Variants in CTNNA2 observed in about 807,000 individuals in gnomAD.
CTNNA2 encodes catenin alpha 2.
CTNNA2 carries 42 observed loss-of-function variants against 101.0 expected under a neutral mutation model. That is an observed-to-expected ratio of 0.42 (90% CI 0.32 to 0.54). CTNNA2 has a LOEUF of 0.54. Ranked by LOEUF, CTNNA2 falls within the 20% of genes least tolerant of loss-of-function variation. The pLI is 0.14. For synonymous variants in CTNNA2, 450 were observed against 456.4 expected, an observed-to-expected ratio of 0.99 and a Z score of 0.18; for missense variants, 871 against 1,223.1, an observed-to-expected ratio of 0.71 and a Z score of 4.29.
Position 79,642,451 on chromosome 2 carries a change from C to T in CTNNA2, c.-5-9101C>T, listed in dbSNP as rs375249530. ...GCAGCTTACATCTTGGATCCCCTCT[C>T]AGTTCACTGAGCCAGGGCTTTGAAT... On this transcript the variant is annotated intron_variant, in intron 1 of 18. Coordinates refer to ENST00000402739, the MANE Select transcript of CTNNA2 (RefSeq NM_001282597.3). 5.9e-5 allele frequency among the ~76,000 whole-genome samples: 9 copies of T among 152,334 alleles called. No individual in the cohort carries two copies. In the East Asian group the frequency reaches 1.7e-3, roughly 29 times the overall value.
chr2:79,737,570 A>T (rs1670989517), intron 2 of CTNNA2, among the ~76,000 whole-genome samples: 1 of 152,170 alleles, frequency 6.6e-6, no homozygotes, highest in East Asian at 1.9e-4. Context: ...GTTAGGGATG[A>T]TATAGTTGGA....
At chr2:79,855,116 A>G (rs1167596046) in intron 3 of CTNNA2, among the ~76,000 whole-genome samples, 1 of 152,196 alleles carries the variant, frequency 6.6e-6, no homozygotes, top group African/African-American at 2.4e-5. Context: ...TCTTCTATTT[A>G]TCTTAGAATA....
At chr2:79,866,986 T>C (rs1297547373) in intron 4 of CTNNA2, among the ~76,000 whole-genome samples, 1 of 152,176 alleles carries the variant, frequency 6.6e-6, no homozygotes, top group Non-Finnish European at 1.5e-5. Context: ...CAATCTGACC[T>C]CATAGCCCTC....
intron 3 of CTNNA2, among the ~76,000 whole-genome samples, chr2:79,780,705 G>A (rs1674354864): frequency 1.3e-5 from 2 of 152,126 alleles, no homozygotes; most frequent in Middle Eastern, 3.2e-3. Flanking sequence ...ACTTCACATA[G>A]GAAGACAGTG....
At chr2:79,450,710 T>C (rs1414406168) in intron 4 of CTNNA2, among the ~76,000 whole-genome samples, 1 of 152,056 alleles carries the variant, frequency 6.6e-6, no homozygotes, top group African/African-American at 2.4e-5. Flanking sequence ...GGCTAATTGA[T>C]ACAAACAAGA....
intron 7 of CTNNA2, among the ~76,000 whole-genome samples, chr2:80,153,764 C>G (rs1358830937): frequency 6.6e-6 from 1 of 152,210 alleles, no homozygotes; most frequent in African/African-American, 2.4e-5. Context: ...TGCCTCCCTT[C>G]TGCTTCTGGA....
chr2:79,884,545 T>C (rs1278591759), intron 6 of CTNNA2, among the ~76,000 whole-genome samples: 2 of 152,134 alleles, frequency 1.3e-5, no homozygotes, highest in African/African-American at 2.4e-5. Flanking sequence ...GCCTCCTCTT[T>C]CTTTCTATTA....
At chr2:79,281,578 G>A (rs1675385150) in intron 2 of CTNNA2, 1 of 152,182 alleles carries the variant, frequency 6.6e-6, no homozygotes, top group East Asian at 1.9e-4. Context: ...TGCATAAGCA[G>A]TCCCTCTTAG....
chr2:80,185,206 C>G (rs1338656000), intron 7 of CTNNA2, among the ~76,000 whole-genome samples: 1 of 152,176 alleles, frequency 6.6e-6, no homozygotes, highest in Non-Finnish European at 1.5e-5. Flanking sequence ...GATTTTGTCT[C>G]TTACTGGCTG....
At chr2:79,259,312 C>T (rs1023174084) in intron 2 of CTNNA2, among the ~76,000 whole-genome samples, 11 of 152,176 alleles carry the variant, frequency 7.2e-5, no homozygotes, top group African/African-American at 2.7e-4. Context: ...ACACCTACTT[C>T]CTCAACTTCC....
At chr2:80,221,162 C>A (rs1002095824) in intron 7 of CTNNA2, among the ~76,000 whole-genome samples, 1 of 152,188 alleles carries the variant, frequency 6.6e-6, no homozygotes, top group African/African-American at 2.4e-5. Context: ...GGATTACAGG[C>A]GTGAGCCACC....
At chr2:79,707,756 C>T (rs1332524131) in intron 2 of CTNNA2, among the ~76,000 whole-genome samples, 1 of 152,212 alleles carries the variant, frequency 6.6e-6, no homozygotes, top group African/African-American at 2.4e-5. Context: ...CCACACCCAT[C>T]CTGATAACAT....
In CTNNA2 at chr2:79,695,945, T is replaced by C. The variant is rs78484172; in HGVS notation, c.102+44287T>C. Among the ~76,000 whole-genome samples the C allele has an allele frequency of 7.4e-3, 1,130 of 152,144 alleles. 42 individuals are homozygous for C. The East Asian group carries it at 0.098, about 13-fold the overall frequency. On this transcript the variant is annotated intron_variant, in intron 2 of 18. Transcript: ENST00000402739. ...TGGCCAATATTTGCCAGAGGCAGCA[T>C]TGATGGCTAAACTTTTATTTTTTCC...
At chr2:79,459,046 A>G (rs747259813) in intron 4 of CTNNA2, among the ~76,000 whole-genome samples, 52 of 152,198 alleles carry the variant, frequency 3.4e-4, no homozygotes, top group Admixed American at 1.3e-3. Flanking sequence ...TAACAGTACT[A>G]GTAAAACCTG....
intron 4 of CTNNA2, among the ~76,000 whole-genome samples, chr2:79,458,246 C>T (rs1670845348): frequency 6.6e-6 from 1 of 152,256 alleles, no homozygotes; most frequent in Admixed American, 6.5e-5. Context: ...TTTAACTATT[C>T]TTATATCACC....
intron 7 of CTNNA2, among the ~76,000 whole-genome samples, chr2:79,959,839 CT>C (rs1464337944): frequency 1.3e-5 from 2 of 152,200 alleles, no homozygotes; most frequent in Non-Finnish European, 1.5e-5. Flanking sequence ...TTTGTCTCAG[CT>C]GCTGAATGGT....
At position 80,363,971 on chromosome 2, in the gene CTNNA2, T is replaced by A. The variant is rs553785601; in HGVS notation, c.1057-29240T>A. On this transcript the variant is annotated intron_variant, in intron 7 of 18. Coordinates refer to ENST00000402739, the MANE Select transcript of CTNNA2 (RefSeq NM_001282597.3). Reference sequence around the variant, plus strand: ...CTAATTTTCTTGCATGCAACGGGAGTGGTAATAGCCTCTAACAGTTGTTGA... The same window carrying A: ...CTAATTTTCTTGCATGCAACGGGAGAGGTAATAGCCTCTAACAGTTGTTGA... Among the ~76,000 whole-genome samples the A allele has an allele frequency of 2.5e-3, 380 of 152,190 alleles. 2 individuals are homozygous for A. Among genetic ancestry groups the A allele is most frequent in the Middle Eastern group, 0.024 (7 of 294 alleles).
Position 80,303,677 on chromosome 2 carries a change from C to T in CTNNA2, c.1057-89534C>T, listed in dbSNP as rs371448579. 6 of 1,611,244 alleles carry T rather than the reference C, an allele frequency of 3.7e-6. No homozygotes were observed. Among genetic ancestry groups the T allele is most frequent in the Non-Finnish European group, 5.1e-6 (6 of 1,178,362 alleles). On this transcript the variant is annotated intron_variant, in intron 7 of 18. Transcript: ENST00000402739. This position sits in a 1 kb window ranked among gnomAD's most constrained non-coding sequence, Gnocchi z 7.7. ...GTTGAGCGCCTCGCAGTACAGCAGC[C>T]GCCCCTCGCACCGGCACAGCTGCGG...
chr2:80,353,133 A>G (rs1281071024), intron 7 of CTNNA2, among the ~76,000 whole-genome samples: 2 of 152,052 alleles, frequency 1.3e-5, no homozygotes, highest in African/African-American at 4.8e-5. Flanking sequence ...TCATGGCCAG[A>G]GCGATCTTGC....
Sources: allele counts gnomAD v4.1 joint callset (sites outside exome capture counted in the v4.1 genomes callset), GRCh38; gene constraint gnomAD v4.1.1; non-coding constraint Gnocchi (gnomAD v3.1); transcripts MANE v1.5; gene names NCBI Gene and HGNC (gene_info 2026-07-23, HGNC 2026-07-21).